The following IMMP2L variants were observed in gnomAD, a reference collection of about 807,000 sequenced individuals.
The protein encoded by IMMP2L is inner mitochondrial membrane peptidase subunit 2, also known as mitochondrial inner membrane protease subunit 2.
Under a neutral mutation model 19.3 loss-of-function variants are expected in IMMP2L, and 18 were observed. The observed-to-expected ratio is 0.93, with a 90% CI of 0.64 to 1.38. The LOEUF is 1.38. IMMP2L is among the 40% of genes most tolerant of loss of function. The pLI, the probability that IMMP2L is intolerant of heterozygous loss-of-function variation, is 0.00. For missense variants in IMMP2L, 233 were observed against 218.2 expected, an observed-to-expected ratio of 1.07 and a Z score of -0.43; for synonymous variants, 76 against 73.0, an observed-to-expected ratio of 1.04 and a Z score of -0.21.
chr7:111,150,692 A>G (rs992742074), intron 3 of IMMP2L, among the ~76,000 whole-genome samples: 5 of 152,210 alleles, frequency 3.3e-5, no homozygotes, highest in African/African-American at 1.2e-4. Flanking sequence ...TTCTTATATA[A>G]ATATGTAAGT....
intron 3 of IMMP2L, among the ~76,000 whole-genome samples, chr7:111,017,284 A>G (rs971890491): frequency 1.3e-5 from 2 of 151,554 alleles, no homozygotes. Context: ...GGCTGTTCTC[A>G]CACTCCTAGG....
intron 3 of IMMP2L, among the ~76,000 whole-genome samples, chr7:111,170,809 T>C (rs1806351693): frequency 6.6e-6 from 1 of 151,768 alleles, no homozygotes; most frequent in Non-Finnish European, 1.5e-5. Flanking sequence ...ATAAGAATAC[T>C]GCATAGTAGT....
At chr7:111,121,876 C>T (rs1800669976) in intron 3 of IMMP2L, among the ~76,000 whole-genome samples, 3 of 152,146 alleles carry the variant, frequency 2.0e-5, no homozygotes, top group South Asian at 4.1e-4. Context: ...GGCAAATATA[C>T]ACCATGGAAT....
At chr7:111,210,602 G>A (rs572318757) in intron 3 of IMMP2L, among the ~76,000 whole-genome samples, 1 of 151,824 alleles carries the variant, frequency 6.6e-6, no homozygotes, top group African/African-American at 2.4e-5. Flanking sequence ...ATTTTGAAGT[G>A]TGTTTCCTTT....
At chr7:111,200,853 A>G (rs888640884) in intron 3 of IMMP2L, among the ~76,000 whole-genome samples, 2 of 152,200 alleles carry the variant, frequency 1.3e-5, no homozygotes, top group African/African-American at 4.8e-5. Context: ...GGAAGAACCC[A>G]TTAACATAAC....
rs144981191 is a variant in IMMP2L, at chr7:111,224,306, T to A, written c.240-260741A>T. ...GTAAAATGAATATACTAAAATTCTTTGAAACAAATAGATTAAGGAAAATTA... is the reference window on the plus strand; with the variant it reads ...GTAAAATGAATATACTAAAATTCTTAGAAACAAATAGATTAAGGAAAATTA... On this transcript the variant is annotated intron_variant, in intron 3 of 5. Coordinates refer to ENST00000405709, the MANE Select transcript of IMMP2L (RefSeq NM_032549.4). Among the ~76,000 whole-genome samples, 197 of 152,244 alleles carry A rather than the reference T, an allele frequency of 1.3e-3. 1 individual carries two copies. The highest frequency in any genetic ancestry group is 6.8e-3 in the Middle Eastern group (2 of 294).
chr7:111,152,820 T>C (rs1017553339), intron 3 of IMMP2L, among the ~76,000 whole-genome samples: 7 of 152,176 alleles, frequency 4.6e-5, no homozygotes, highest in African/African-American at 1.7e-4. Context: ...ATTATCTATC[T>C]CTACTGAATT....
chr7:110,759,577 G>C (rs1798234387), intron 5 of IMMP2L, among the ~76,000 whole-genome samples: 2 of 152,104 alleles, frequency 1.3e-5, no homozygotes, highest in African/African-American at 2.4e-5. Context: ...TTCAAAAATG[G>C]CTATGGTAAA....
chr7:111,480,597 C>CA (rs925037556), intron 3 of IMMP2L, among the ~76,000 whole-genome samples: 10,334 of 54,392 alleles, frequency 0.19, 845 homozygotes, highest in African/African-American at 0.25. Flanking sequence ...ATTTTACTGT[C>CA]AAAAAAAAAA....
At chr7:111,063,288 T>A (rs1043921607) in intron 3 of IMMP2L, among the ~76,000 whole-genome samples, 6 of 152,184 alleles carry the variant, frequency 3.9e-5, no homozygotes, top group African/African-American at 1.4e-4. Context: ...CCTTGGCCCC[T>A]TTTAGTCATG....
chr7:110,681,955 A>T (rs2130452935), intron 5 of IMMP2L, among the ~76,000 whole-genome samples: 1 of 152,282 alleles, frequency 6.6e-6, no homozygotes, highest in South Asian at 2.1e-4. Flanking sequence ...AGTTCTTGTG[A>T]TGTTGCTGAC....
chr7:110,698,153 G>A (rs1794012859), intron 5 of IMMP2L, among the ~76,000 whole-genome samples: 1 of 152,282 alleles, frequency 6.6e-6, no homozygotes, highest in Admixed American at 6.5e-5. Flanking sequence ...CACAGACTGA[G>A]TTTCTACCCA....
chr7:111,061,898 C>T (rs1794051201), intron 3 of IMMP2L, among the ~76,000 whole-genome samples: 1 of 152,126 alleles, frequency 6.6e-6, no homozygotes, highest in African/African-American at 2.4e-5. Context: ...CTTCCATTTA[C>T]TCTTCAAACC....
chr7:110,947,172 A>G (rs1191226648), intron 4 of IMMP2L, among the ~76,000 whole-genome samples: 1 of 152,200 alleles, frequency 6.6e-6, no homozygotes, highest in African/African-American at 2.4e-5. Context: ...ATATTAGCAA[A>G]GATTAAAATG....
At chr7:111,283,970 C>CAAAAAAA (rs972346409) in intron 3 of IMMP2L, among the ~76,000 whole-genome samples, 2 of 48,604 alleles carry the variant, frequency 4.1e-5, no homozygotes, top group African/African-American at 7.2e-5. Context: ...GACTCCGTCT[C>CAAAAAAA]AAAAAAAAAA....
chr7:110,932,169 G>A (rs1216788827), intron 4 of IMMP2L, among the ~76,000 whole-genome samples: 2 of 152,086 alleles, frequency 1.3e-5, no homozygotes, highest in Non-Finnish European at 2.9e-5. Flanking sequence ...GTTGCATACA[G>A]ACTCACGAGA....
chr7:110,872,583 G>T (rs938069130), intron 5 of IMMP2L, among the ~76,000 whole-genome samples: 2 of 152,132 alleles, frequency 1.3e-5, no homozygotes, highest in Admixed American at 1.3e-4. Context: ...CCCTAGGCCA[G>T]AATTGGTTGG....
chr7:111,173,929 G>C (rs1806738907), intron 3 of IMMP2L, among the ~76,000 whole-genome samples: 1 of 151,634 alleles, frequency 6.6e-6, no homozygotes, highest in Admixed American at 6.6e-5. Context: ...TATCTACAGT[G>C]AAGTTAAATA....
At chr7:111,254,189 A>T (rs1313480457) in intron 3 of IMMP2L, among the ~76,000 whole-genome samples, 2 of 152,008 alleles carry the variant, frequency 1.3e-5, no homozygotes, top group Non-Finnish European at 2.9e-5. Context: ...ATGATAGAGA[A>T]AAGACTTAAA....
Sources: allele counts gnomAD v4.1 joint callset (sites outside exome capture counted in the v4.1 genomes callset), GRCh38; gene constraint gnomAD v4.1.1; transcripts MANE v1.5; gene names NCBI Gene and HGNC (gene_info 2026-07-23, HGNC 2026-07-21).